The following FAM174A variants were observed in gnomAD, a reference collection of about 807,000 sequenced individuals.
The protein encoded by FAM174A is membrane protein FAM174A.
In FAM174A, 14 loss-of-function variants were observed where a neutral mutation model predicts 14.3. That is an observed-to-expected ratio of 0.98 (90% CI 0.65 to 1.53). The LOEUF (loss-of-function observed/expected upper bound fraction) is 1.53, where lower values mean the gene tolerates loss of function less well. Among genes scored for constraint, FAM174A ranks in the 40% most tolerant of loss-of-function variants. FAM174A has a pLI of 0.00. For synonymous variants in FAM174A, 108 were observed against 111.4 expected, an observed-to-expected ratio of 0.97 and a Z score of 0.19; for missense variants, 241 against 249.6, an observed-to-expected ratio of 0.97 and a Z score of 0.23.
At position 100,535,743 on chromosome 5, in the gene FAM174A, T is replaced by C. The variant is rs1278452089; in HGVS notation, c.213T>C (p.Ala71=). 2 of 1,605,028 alleles carry C rather than the reference T, an allele frequency of 1.2e-6. No homozygotes were observed. Among genetic ancestry groups the C allele is most frequent in the Non-Finnish European group, 1.7e-6 (2 of 1,177,832 alleles). The part of the protein sequence containing the change: ...TPAQQPGRGL[A]EAAGPRGSEG... ...CCCAGCAGCCGGGCCGTGGTCTGGC[T>C]GAAGCTGCGGGGCCGCGGGGCTCCG... Residue 71 remains alanine, a synonymous_variant, in exon 1 of 3, where the codon GCT becomes GCC. Coordinates refer to ENST00000312637, the MANE Select transcript of FAM174A (RefSeq NM_198507.3).
rs115497117 is a variant in FAM174A, at chr5:100,575,119, T to C, written c.570-11062T>C. Among the ~76,000 whole-genome samples the C allele has an allele frequency of 5.1e-3, 784 of 152,288 alleles. 9 individuals carry two copies. The highest frequency in any genetic ancestry group is 0.018 in the African/African-American group (728 of 41,572). ...ATTCTAAATTCTGTTCCTTCTGTCT[T>C]CTATACTACCACTTGTATTACTGTT... On this transcript the variant is annotated intron_variant, in intron 2 of 2. Coordinates refer to ENST00000312637, the MANE Select transcript of FAM174A (RefSeq NM_198507.3).
intron 2 of FAM174A, among the ~76,000 whole-genome samples, chr5:100,574,075 T>C (rs951018659): frequency 6.6e-6 from 1 of 152,190 alleles, no homozygotes; most frequent in East Asian, 1.9e-4. Flanking sequence ...AAACCAATCA[T>C]TATTTTTATT....
intron 1 of FAM174A, among the ~76,000 whole-genome samples, chr5:100,555,716 G>A (rs1048002105): frequency 2.6e-5 from 4 of 152,230 alleles, no homozygotes; most frequent in Non-Finnish European, 5.9e-5. Flanking sequence ...TGTGTTGGCT[G>A]CATAAATGTC....
chr5:100,560,487 G>C (rs529997433), intron 1 of FAM174A, among the ~76,000 whole-genome samples: 2 of 152,094 alleles, frequency 1.3e-5, no homozygotes, highest in African/African-American at 4.8e-5. Context: ...CACTTTAGAC[G>C]TGTATATAGA....
chr5:100,555,291 G>T (rs1428980772), intron 1 of FAM174A, among the ~76,000 whole-genome samples: 1 of 151,732 alleles, frequency 6.6e-6, no homozygotes, highest in East Asian at 1.9e-4. Flanking sequence ...GTATTCCATG[G>T]TGTATATGTG....
chr5:100,539,994 T>C (rs1234087324), intron 1 of FAM174A, among the ~76,000 whole-genome samples: 1 of 152,142 alleles, frequency 6.6e-6, no homozygotes, highest in Non-Finnish European at 1.5e-5. Flanking sequence ...CCTTCCCTCA[T>C]CCAAAGATTT....
At chr5:100,553,041 A>G (rs1580366859) in intron 1 of FAM174A, among the ~76,000 whole-genome samples, 1 of 152,216 alleles carries the variant, frequency 6.6e-6, no homozygotes, top group South Asian at 2.1e-4. Context: ...GTCTAGTAGA[A>G]AAGTGCATAT....
chr5:100,554,445 T>C (rs1746327785), intron 1 of FAM174A, among the ~76,000 whole-genome samples: 1 of 150,532 alleles, frequency 6.6e-6, no homozygotes, highest in Non-Finnish European at 1.5e-5. Context: ...GCTTCCCGAG[T>C]AGCTGGGATT....
intron 2 of FAM174A, among the ~76,000 whole-genome samples, chr5:100,570,318 CTT>C (rs1346333547): frequency 6.6e-6 from 1 of 151,848 alleles, no homozygotes; most frequent in East Asian, 1.9e-4. Flanking sequence ...CCCTATCTGA[CTT>C]TTTAATTCAA....
chr5:100,582,997 T>C (rs1472511564), intron 2 of FAM174A, among the ~76,000 whole-genome samples: 2 of 152,206 alleles, frequency 1.3e-5, no homozygotes, highest in African/African-American at 4.8e-5. Context: ...GACTTACTAA[T>C]ATCATGAACA....
At chr5:100,550,000 T>C (rs2112372309) in intron 1 of FAM174A, among the ~76,000 whole-genome samples, 1 of 152,154 alleles carries the variant, frequency 6.6e-6, no homozygotes, top group East Asian at 1.9e-4. Context: ...TGCTGAGAAG[T>C]TAAAAGTAGT....
chr5:100,548,800 G>A (rs1746209553), intron 1 of FAM174A, among the ~76,000 whole-genome samples: 1 of 152,084 alleles, frequency 6.6e-6, no homozygotes, highest in Non-Finnish European at 1.5e-5. Context: ...ATAATCGCAT[G>A]CTTTTACATC....
At chr5:100,560,039 T>G (rs576845973) in intron 1 of FAM174A, among the ~76,000 whole-genome samples, 1 of 152,216 alleles carries the variant, frequency 6.6e-6, no homozygotes, top group Non-Finnish European at 1.5e-5. Flanking sequence ...TTTTAGAGTT[T>G]CCAGTTTTTC....
At chr5:100,582,433 AT>A (rs1747039219) in intron 2 of FAM174A, among the ~76,000 whole-genome samples, 1 of 152,008 alleles carries the variant, frequency 6.6e-6, no homozygotes, top group African/African-American at 2.4e-5. Context: ...ATTGATGATT[AT>A]AAAGGAAGAT....
chr5:100,550,676 A>T (rs1049076211), intron 1 of FAM174A, among the ~76,000 whole-genome samples: 14 of 152,172 alleles, frequency 9.2e-5, no homozygotes, highest in Non-Finnish European at 2.1e-4. Flanking sequence ...TTTAAAGGAC[A>T]TGTATATAGT....
At chr5:100,564,550 C>T (rs1025311829) in intron 2 of FAM174A, among the ~76,000 whole-genome samples, 1 of 151,512 alleles carries the variant, frequency 6.6e-6, no homozygotes, top group African/African-American at 2.4e-5. Flanking sequence ...AATAGAAATA[C>T]ATTAAATAGA....
chr5:100,566,081 T>C (rs1447287948), intron 2 of FAM174A, among the ~76,000 whole-genome samples: 3 of 141,780 alleles, frequency 2.1e-5, no homozygotes, highest in East Asian at 2.1e-4. Flanking sequence ...CAATTCAAGA[T>C]GAGATTTAGG....
At chr5:100,551,193 C>A (rs1213288413) in intron 1 of FAM174A, among the ~76,000 whole-genome samples, 1 of 152,018 alleles carries the variant, frequency 6.6e-6, no homozygotes, top group African/African-American at 2.4e-5. Context: ...TCAATAATAC[C>A]TTGTGATTGT....
At chr5:100,542,243 C>T (rs1746070701) in intron 1 of FAM174A, among the ~76,000 whole-genome samples, 1 of 152,148 alleles carries the variant, frequency 6.6e-6, no homozygotes, top group Admixed American at 6.5e-5. Flanking sequence ...GTATAGCCAG[C>T]CAACTTCTTA....
Sources: allele counts gnomAD v4.1 joint callset (sites outside exome capture counted in the v4.1 genomes callset), GRCh38; gene constraint gnomAD v4.1.1; transcripts MANE v1.5; gene names NCBI Gene and HGNC (gene_info 2026-07-23, HGNC 2026-07-21).